Variants in AGMO observed in about 807,000 individuals in gnomAD.
AGMO encodes the protein alkylglycerol monooxygenase.
A neutral mutation model predicts 60.2 loss-of-function variants in AGMO; 75 were observed. The ratio of observed to expected loss-of-function variants is 1.25; its 90% confidence interval spans 1.03 to 1.51. The LOEUF is 1.51. Ranked by LOEUF, AGMO falls within the 40% of genes most tolerant of loss-of-function variation. AGMO has a pLI of 0.00. For missense variants in AGMO, 763 were observed against 525.5 expected (o/e 1.45, Z -4.42); for synonymous variants, 261 against 177.1 (o/e 1.47, Z -3.76).
chr7:15,488,551 T>C (rs973879595), intron 3 of AGMO, among the ~76,000 whole-genome samples: 7 of 152,162 alleles, frequency 4.6e-5, no homozygotes, highest in Non-Finnish European at 7.4e-5. Context: ...CATTTCATCA[T>C]CTGTTTGGCA....
At chr7:15,129,264 G>A in the AGMO span, among the ~76,000 whole-genome samples, 14 of 132,180 alleles carry the variant, frequency 1.1e-4, no homozygotes, top group African/African-American at 3.0e-4. Flanking sequence ...GTAGGTTAGT[G>A]TTCTCTTTTA....
At chr7:15,284,658 G>A (rs1784053356) in intron 12 of AGMO, among the ~76,000 whole-genome samples, 1 of 151,834 alleles carries the variant, frequency 6.6e-6, no homozygotes, top group South Asian at 2.1e-4. Context: ...GAAAAATTGG[G>A]ACCAACCCTG....
chr7:15,138,365 T>A, the AGMO span, among the ~76,000 whole-genome samples: 1 of 152,176 alleles, frequency 6.6e-6, no homozygotes, highest in East Asian at 1.9e-4. Flanking sequence ...TAAGTAGAGT[T>A]AAGCACAAAG....
At chr7:15,418,743 T>G in intron 4 of AGMO, 90 bp from the exon 5 acceptor site, 1 of 758,344 alleles carries the variant, frequency 1.3e-6, no homozygotes, top group East Asian at 2.9e-5. Flanking sequence ...CATATTTCTT[T>G]AGGAAATATA....
chr7:15,148,348 G>C, the AGMO span, among the ~76,000 whole-genome samples: 1 of 151,724 alleles, frequency 6.6e-6, no homozygotes, highest in Admixed American at 6.6e-5. Context: ...TTTTATTTTA[G>C]GTTCAATGAG....
At chr7:15,191,964 G>GTC in the AGMO span, among the ~76,000 whole-genome samples, 44 of 95,254 alleles carry the variant, frequency 4.6e-4, no homozygotes, top group South Asian at 4.4e-3. Flanking sequence ...CTCTCCCTCT[G>GTC]TCTCTCTCTC....
At chr7:15,449,515 C>T (rs1781801576) in intron 3 of AGMO, among the ~76,000 whole-genome samples, 1 of 152,050 alleles carries the variant, frequency 6.6e-6, no homozygotes, top group Non-Finnish European at 1.5e-5. Context: ...AAATAATTAC[C>T]ATTGTCTTAC....
chr7:15,201,297 G>C lies in AGMO; in HGVS notation c.1326C>G (p.His442Gln). 1 of 1,611,772 alleles carries C rather than the reference G, an allele frequency of 6.2e-7. No individual in the cohort carries two copies. The highest frequency in any genetic ancestry group is 8.5e-7 in the Non-Finnish European group (1 of 1,178,574). The change falls in exon 13 of 13, where the codon CAC (histidine) becomes CAG (glutamine). Residue 442 changes from histidine to glutamine, a missense_variant. His to Gln is a conservative substitution (Grantham distance 24). Coordinates refer to ENST00000342526, the MANE Select transcript of AGMO (RefSeq NM_001004320.2). ...GVRSMKQLTS[H>Q]PWK ...GTACAAATTCAGGTTATTTCCAAGG[G>C]TGAGAGGTGAGTTGTTTCATGCTTC...
At chr7:15,223,275 A>C (rs1210345599) in intron 12 of AGMO, among the ~76,000 whole-genome samples, 1 of 151,958 alleles carries the variant, frequency 6.6e-6, no homozygotes, top group Non-Finnish European at 1.5e-5. Context: ...TATTAACACT[A>C]TAGGTTACTA....
chr7:15,363,303 G>T (rs1782836244), intron 12 of AGMO, among the ~76,000 whole-genome samples: 1 of 152,090 alleles, frequency 6.6e-6, no homozygotes, highest in South Asian at 2.1e-4. Context: ...AGGCCAAATA[G>T]TTATTTCAAA....
chr7:15,379,464 C>T (rs1783589990), intron 10 of AGMO, among the ~76,000 whole-genome samples: 1 of 152,072 alleles, frequency 6.6e-6, no homozygotes, highest in Non-Finnish European at 1.5e-5. Context: ...AAACAACAAT[C>T]AGAAAATATT....
the AGMO span, among the ~76,000 whole-genome samples, chr7:15,124,325 C>T: frequency 6.6e-6 from 1 of 151,906 alleles, no homozygotes; most frequent in Non-Finnish European, 1.5e-5. Context: ...TGGTAATGTT[C>T]TTTTTGTATG....
At chr7:15,466,009 C>T (rs959243016) in intron 3 of AGMO, among the ~76,000 whole-genome samples, 1 of 152,040 alleles carries the variant, frequency 6.6e-6, no homozygotes, top group African/African-American at 2.4e-5. Flanking sequence ...AATATGTTAG[C>T]AATACTTCTT....
Position 15,394,705 on chromosome 7 carries a change from G to A in AGMO, c.610-526C>T, listed in dbSNP as rs551076247. ...GAAAACAACTGTGTTATGTTTCCCG[G>A]AGTTGTTTCACCCTGTAAATCAGCC... On this transcript the variant is annotated intron_variant, in intron 5 of 12. Coordinates refer to ENST00000342526, the MANE Select transcript of AGMO (RefSeq NM_001004320.2). 8.0e-4 allele frequency among the ~76,000 whole-genome samples: 122 copies of A among 152,200 alleles called. 1 individual carries two copies. The highest frequency in any genetic ancestry group is 2.9e-3 in the African/African-American group (121 of 41,518).
At chr7:15,208,803 CA>C (rs1781504678) in intron 12 of AGMO, among the ~76,000 whole-genome samples, 1 of 152,128 alleles carries the variant, frequency 6.6e-6, no homozygotes, top group African/African-American at 2.4e-5. Flanking sequence ...AACATTGGCA[CA>C]AAATTGTTTG....
intron 12 of AGMO, among the ~76,000 whole-genome samples, chr7:15,206,538 A>T (rs1156942188): frequency 6.6e-6 from 1 of 152,094 alleles, no homozygotes; most frequent in Non-Finnish European, 1.5e-5. Flanking sequence ...TAAATTTTAA[A>T]TCAAACAGTA....
chr7:15,123,385 G>C, the AGMO span, among the ~76,000 whole-genome samples: 56,213 of 151,706 alleles, frequency 0.37, 11,310 homozygotes, highest in East Asian at 0.68. Context: ...GATCTGAGAA[G>C]TTATTTTTTC....
chr7:15,491,355 T>G (rs555164012), intron 3 of AGMO, among the ~76,000 whole-genome samples: 2 of 152,304 alleles, frequency 1.3e-5, no homozygotes, highest in South Asian at 2.1e-4. Context: ...ATGCCTACGG[T>G]GATCTTAGCA....
At chr7:15,183,000 G>A in the AGMO span, among the ~76,000 whole-genome samples, 13 of 152,022 alleles carry the variant, frequency 8.6e-5, no homozygotes, top group Admixed American at 7.2e-4. Context: ...ACCAACAGGG[G>A]ATATCCACCC....
Sources: gnomAD v4.1 joint callset for allele counts (sites outside exome capture counted in the v4.1 genomes callset) on GRCh38, gnomAD v4.1.1 for gene constraint, MANE v1.5 for transcripts, NCBI Gene and HGNC (gene_info 2026-07-23, HGNC 2026-07-21) for gene names.